Variants in ALKAL1 observed in about 807,000 individuals in gnomAD.
The protein encoded by ALKAL1 is ALK and LTK ligand 1.
ALKAL1 carries 23 observed loss-of-function variants against 13.5 expected under a neutral mutation model. That is an observed-to-expected ratio of 1.70 (90% CI 1.23 to 2.41). The LOEUF is 2.41. Ranked by LOEUF, ALKAL1 falls within the 30% of genes most tolerant of loss-of-function variation. The pLI, the probability that ALKAL1 is intolerant of heterozygous loss-of-function variation, is 0.00. For missense variants in ALKAL1, 181 were observed against 178.4 expected, an observed-to-expected ratio of 1.01 and a Z score of -0.08; for synonymous variants, 85 against 77.7, an observed-to-expected ratio of 1.09 and a Z score of -0.49.
At chr8:52,535,677 T>A (rs1246905267) in intron 4 of ALKAL1, among the ~76,000 whole-genome samples, 1 of 151,700 alleles carries the variant, frequency 6.6e-6, no homozygotes, top group African/African-American at 2.4e-5. Flanking sequence ...TTTCTTAATC[T>A]AAAAAAAATT....
intron 4 of ALKAL1, among the ~76,000 whole-genome samples, chr8:52,536,238 C>T (rs1474754398): frequency 1.3e-5 from 2 of 152,154 alleles, no homozygotes; most frequent in South Asian, 2.1e-4. Flanking sequence ...CATGCCCAGC[C>T]ATCCTCTATG....
intron 1 of ALKAL1, 62 bp downstream of exon 1, chr8:52,565,005 T>C (rs1590872458): frequency 7.8e-7 from 1 of 1,278,248 alleles, no homozygotes; most frequent in East Asian, 3.1e-5. Context: ...GCCCAGCTCC[T>C]AGGGGAATCC....
chr8:52,558,587 G>A (rs1318828066), intron 1 of ALKAL1, among the ~76,000 whole-genome samples: 3 of 151,768 alleles, frequency 2.0e-5, no homozygotes, highest in African/African-American at 7.3e-5. Flanking sequence ...TCTCTTCATT[G>A]CTTTCCTGCA....
chr8:52,556,430 G>A (rs1294482541), intron 1 of ALKAL1, among the ~76,000 whole-genome samples: 3 of 151,822 alleles, frequency 2.0e-5, no homozygotes, highest in Non-Finnish European at 4.4e-5. Context: ...GGCGGATCAC[G>A]AGGTCAGGAG....
chr8:52,541,157 G>A (rs1847308136), intron 2 of ALKAL1, among the ~76,000 whole-genome samples: 1 of 152,142 alleles, frequency 6.6e-6, no homozygotes, highest in Non-Finnish European at 1.5e-5. Flanking sequence ...ATAGTGTCAT[G>A]GCACAGTATT....
In ALKAL1 at chr8:52,538,506, A is replaced by T; in HGVS notation, c.327T>A (p.Tyr109Ter). 1 of 1,601,810 alleles carries T rather than the reference A, an allele frequency of 6.2e-7. No homozygotes were observed. The highest frequency in any genetic ancestry group is 8.5e-7 in the Non-Finnish European group (1 of 1,170,622). Residue 109 changes from tyrosine (Y) to a stop codon, truncating the protein, a stop_gained and splice_region_variant, in exon 4 of 5, where the codon TAT becomes TAA. Coordinates refer to ENST00000358543, the MANE Select transcript of ALKAL1 (RefSeq NM_207413.4). LOFTEE classifies it high-confidence loss of function. ...YNTRECSTPAYYKRCARLLTR... is the reference protein window; with the variant it reads ...YNTRECSTPA ...TTAACAATCTAGCACATCTTTTGTAATCTAGGAAAAACATTTAAAGGTAAA... is the reference window on the plus strand; with the variant it reads ...TTAACAATCTAGCACATCTTTTGTATTCTAGGAAAAACATTTAAAGGTAAA...
chr8:52,547,433 G>A (rs1488131269), intron 1 of ALKAL1, among the ~76,000 whole-genome samples: 1 of 152,176 alleles, frequency 6.6e-6, no homozygotes, highest in African/African-American at 2.4e-5. Flanking sequence ...CTGTGAGGTG[G>A]AGGTTGTAGT....
chr8:52,536,264 T>C (rs1260379199), intron 4 of ALKAL1, among the ~76,000 whole-genome samples: 3 of 152,168 alleles, frequency 2.0e-5, no homozygotes, highest in Non-Finnish European at 2.9e-5. Flanking sequence ...CATTCCCACC[T>C]TCACAACCTG....
At chr8:52,563,942 C>T (rs1424959587) in intron 1 of ALKAL1, among the ~76,000 whole-genome samples, 2 of 152,234 alleles carry the variant, frequency 1.3e-5, no homozygotes, top group Non-Finnish European at 2.9e-5. Context: ...GTGGCCTCCG[C>T]CCTCTGCATG....
chr8:52,536,344 A>T (rs1847267045), intron 4 of ALKAL1, among the ~76,000 whole-genome samples: 1 of 152,228 alleles, frequency 6.6e-6, no homozygotes, highest in South Asian at 2.1e-4. Context: ...TTGACTTGGT[A>T]CTACACTGCA....
chr8:52,535,258 A>C (rs929779997), intron 4 of ALKAL1, among the ~76,000 whole-genome samples: 1 of 152,122 alleles, frequency 6.6e-6, no homozygotes, highest in Non-Finnish European at 1.5e-5. Context: ...ATTGTTCAAA[A>C]GAGTTGAGGC....
At chr8:52,562,250 C>T (rs953330861) in intron 1 of ALKAL1, among the ~76,000 whole-genome samples, 1 of 152,070 alleles carries the variant, frequency 6.6e-6, no homozygotes, top group African/African-American at 2.4e-5. Flanking sequence ...GAGAAGGTCA[C>T]CGTAAAACTC....
At chr8:52,536,767 G>A (rs1045920830) in intron 4 of ALKAL1, among the ~76,000 whole-genome samples, 4 of 152,182 alleles carry the variant, frequency 2.6e-5, no homozygotes, top group Non-Finnish European at 5.9e-5. Flanking sequence ...TCTGCGTAAT[G>A]TTTCTGCATA....
chr8:52,556,217 T>C (rs560408129), intron 1 of ALKAL1, among the ~76,000 whole-genome samples: 1 of 152,350 alleles, frequency 6.6e-6, no homozygotes, highest in Non-Finnish European at 1.5e-5. Flanking sequence ...GTTTTTGAAA[T>C]GTGTAATTAC....
chr8:52,552,825 T>G (rs1241843522), intron 1 of ALKAL1, among the ~76,000 whole-genome samples: 1 of 152,244 alleles, frequency 6.6e-6, no homozygotes, highest in Non-Finnish European at 1.5e-5. Flanking sequence ...TCTTACTATT[T>G]TCTGTCCTAG....
intron 1 of ALKAL1, among the ~76,000 whole-genome samples, chr8:52,551,463 ATT>A (rs531619339): frequency 5.0e-4 from 65 of 130,256 alleles, no homozygotes; most frequent in African/African-American, 4.2e-4. Context: ...CGGCTAATTC[ATT>A]TTTTTTTTTT....
At position 52,539,817 on chromosome 8, in the gene ALKAL1, C is replaced by A. The variant is rs1311399400; in HGVS notation, c.325+14G>T. ...GGATAATTAAAAAAAAAAAAACCCA[C>A]CCAAGTTACTTACAAGCTGGCGTTG... is the stretch of plus-strand genomic sequence containing the variant. On this transcript the variant is annotated intron_variant, in intron 3 of 4. Transcript: ENST00000358543. 1.3e-6 allele frequency: 2 copies of A among 1,567,144 alleles called. No homozygotes were observed. Among genetic ancestry groups the A allele is most frequent in the Non-Finnish European group, 1.7e-6 (2 of 1,156,640 alleles).
At chr8:52,561,096 T>C (rs1428650199) in intron 1 of ALKAL1, among the ~76,000 whole-genome samples, 1 of 152,124 alleles carries the variant, frequency 6.6e-6, no homozygotes, top group Non-Finnish European at 1.5e-5. Context: ...TACCCATCCA[T>C]ACCCCCCTCC....
chr8:52,556,290 A>C (rs553939338), intron 1 of ALKAL1, among the ~76,000 whole-genome samples: 2 of 152,202 alleles, frequency 1.3e-5, no homozygotes, highest in Non-Finnish European at 2.9e-5. Context: ...TTAGATAGTA[A>C]AATAGAATAA....
Sources: allele counts gnomAD v4.1 joint callset (sites outside exome capture counted in the v4.1 genomes callset), GRCh38; gene constraint gnomAD v4.1.1; transcripts MANE v1.5; gene names NCBI Gene and HGNC (gene_info 2026-07-23, HGNC 2026-07-21).